NDE1: variants seen among roughly 807,000 people sequenced by gnomAD.
NDE1 encodes nudE neurodevelopment protein 1, also known as nuclear distribution protein nudE homolog 1.
Under a neutral mutation model 43.4 loss-of-function variants are expected in NDE1, and 28 were observed. That is an observed-to-expected ratio of 0.65 (90% confidence interval 0.48 to 0.89). The LOEUF is 0.89. Among genes scored for constraint, NDE1 ranks in the 40% least tolerant of loss-of-function variants. The pLI is 0.00. For missense variants in NDE1, 441 were observed against 434.1 expected (o/e 1.02, Z -0.14); for synonymous variants, 184 against 172.0 (o/e 1.07, Z -0.55).
intron 3 of NDE1, among the ~76,000 whole-genome samples, chr16:15,676,894 A>G (rs1248675652): frequency 6.6e-6 from 1 of 152,156 alleles, no homozygotes; most frequent in Non-Finnish European, 1.5e-5. Flanking sequence ...TCTTTGTAAT[A>G]CACTGATGAT....
intron 3 of NDE1, among the ~76,000 whole-genome samples, chr16:15,674,255 T>A (rs2037750405): frequency 6.6e-6 from 1 of 152,164 alleles, no homozygotes; most frequent in South Asian, 2.1e-4. Flanking sequence ...TTTTTGTTTG[T>A]TTGTTTTGAG....
At chr16:15,704,774 T>C (rs2039359786) in intron 8 of NDE1, among the ~76,000 whole-genome samples, 1 of 152,238 alleles carries the variant, frequency 6.6e-6, no homozygotes, top group Admixed American at 6.5e-5. Flanking sequence ...TCGTGGAACA[T>C]ACCGCACATG....
chr16:15,699,607 T>C, intron 8 of NDE1: 8 of 1,216,000 alleles, frequency 6.6e-6, no homozygotes, highest in Non-Finnish European at 8.4e-6. Context: ...GAGAGAAAAT[T>C]GAGACCCTGT....
At chr16:15,682,247 AG>A (rs1439803040) in intron 4 of NDE1, among the ~76,000 whole-genome samples, 2 of 152,186 alleles carry the variant, frequency 1.3e-5, no homozygotes, top group African/African-American at 4.8e-5. Flanking sequence ...GCTGGAGTGC[AG>A]TGGCACGATC....
intron 8 of NDE1, chr16:15,703,731 G>T (rs565951023): frequency 2.0e-6 from 1 of 495,034 alleles, no homozygotes; most frequent in Admixed American, 3.2e-5. Context: ...TGGGACCACA[G>T]GTGTGTACCA....
exon 1 of NDE1, chr16:15,643,591 G>T (rs920716102): frequency 2.6e-5 from 8 of 302,798 alleles, no homozygotes; most frequent in Non-Finnish European, 1.9e-5. Flanking sequence ...TCCTCTCTCG[G>T]GTCTCGTCAC....
chr16:15,695,554 T>G, intron 7 of NDE1: 1 of 985,164 alleles, frequency 1.0e-6, no homozygotes, highest in Non-Finnish European at 1.2e-6. Context: ...CCTTTCAGCT[T>G]TTATGTTAAT....
chr16:15,678,556 GCTCTTGCCATGTTGGCCAGGCTGGT>G (rs1187771945), intron 4 of NDE1, among the ~76,000 whole-genome samples: 1 of 152,030 alleles, frequency 6.6e-6, no homozygotes, highest in African/African-American at 2.4e-5. Flanking sequence ...GTAGGGATGG[GCTCTTGCCATGTTGGCCAGGCTGGT>G]CTCAAACTCC....
At chr16:15,719,144 T>A in intron 8 of NDE1, 1 of 1,444,558 alleles carries the variant, frequency 6.9e-7, no homozygotes, top group East Asian at 2.3e-5. Context: ...ATTTAAAAAA[T>A]AAAATGGGGG....
At position 15,667,333 on chromosome 16, in the gene NDE1, G is replaced by C; in HGVS notation, c.131G>C (p.Arg44Pro). Residue 44 changes from arginine (R) to proline (P), a missense_variant, in exon 3 of 9, where the codon CGA (arginine) becomes CCA (proline). Physicochemically the swap from Arg to Pro is moderately radical, Grantham distance 103. Coordinates refer to ENST00000396354, the MANE Select transcript of NDE1 (RefSeq NM_017668.3). ...EELREFQEGS[R>P]EYEAELETQL... ...CTCCGAGAATTCCAGGAGGGAAGCC[G>C]AGAATATGAAGCTGAATTGGAGACG... 1 of 1,614,132 alleles carries C rather than the reference G, an allele frequency of 6.2e-7. No homozygotes were observed. Among genetic ancestry groups the C allele is most frequent in the Non-Finnish European group, 8.5e-7 (1 of 1,180,026 alleles).
At chr16:15,701,046 G>GC (rs1211903646) in intron 8 of NDE1, among the ~76,000 whole-genome samples, 1 of 151,978 alleles carries the variant, frequency 6.6e-6, no homozygotes, top group Admixed American at 6.6e-5. Flanking sequence ...GACCAGCCTG[G>GC]CCAACATGGT....
intron 1 of NDE1, among the ~76,000 whole-genome samples, chr16:15,663,637 G>C (rs893083587): frequency 6.6e-6 from 1 of 152,042 alleles, no homozygotes; most frequent in African/African-American, 2.4e-5. Flanking sequence ...AATATCCTGG[G>C]CACTGATAGA....
At chr16:15,664,676 T>C (rs1237500934) in intron 1 of NDE1, 60 bp from the exon 2 acceptor site, 3 of 952,874 alleles carry the variant, frequency 3.1e-6, no homozygotes, top group Non-Finnish European at 5.0e-6. Context: ...TTTTTTTCTG[T>C]TAAAGGGGAT....
At chr16:15,718,069 T>G (rs2040261657) in intron 8 of NDE1, 1 of 597,380 alleles carries the variant, frequency 1.7e-6, no homozygotes, top group Non-Finnish European at 2.9e-6. Context: ...GGCCGTGAGG[T>G]ACGGGGAGCC....
At chr16:15,695,526 C>T in intron 7 of NDE1, 1 of 984,042 alleles carries the variant, frequency 1.0e-6, no homozygotes, top group African/African-American at 1.8e-5. Context: ...TCTTGAAAGC[C>T]TAGGGCAAAG....
intron 3 of NDE1, among the ~76,000 whole-genome samples, chr16:15,674,963 C>T (rs777556422): frequency 7.2e-5 from 11 of 152,100 alleles, no homozygotes; most frequent in Admixed American, 6.6e-4. Context: ...AGCAGGCTTG[C>T]GTTGCCCCTG....
rs2040489167 is a variant in NDE1, at chr16:15,721,619, T to C, written c.948-2572T>C. 4 of 1,614,190 alleles carry C rather than the reference T, an allele frequency of 2.5e-6. No homozygotes were observed. The highest frequency in any genetic ancestry group is 3.4e-6 in the Non-Finnish European group (4 of 1,180,048). On this transcript the variant is annotated intron_variant, in intron 8 of 8. Transcript: ENST00000396354. ...TCCGCGTATTTGGAAGAGATGTTTTTCTCCTCGGCTAACAACTACAACACA... is the reference window on the plus strand; with the variant it reads ...TCCGCGTATTTGGAAGAGATGTTTTCCTCCTCGGCTAACAACTACAACACA...
intron 8 of NDE1, chr16:15,720,687 T>C (rs2040418660): frequency 1.2e-6 from 1 of 863,926 alleles, no homozygotes; most frequent in Non-Finnish European, 1.8e-6. Context: ...GAGCTGAGAT[T>C]ACGCCACTGC....
intron 8 of NDE1, chr16:15,697,109 C>T (rs1286102523): frequency 3.1e-6 from 3 of 966,776 alleles, no homozygotes; most frequent in Non-Finnish European, 3.7e-6. Context: ...AATACGATGG[C>T]AGGATCATGG....
Sources: allele counts gnomAD v4.1 joint callset (sites outside exome capture counted in the v4.1 genomes callset), GRCh38; gene constraint gnomAD v4.1.1; transcripts MANE v1.5; gene names NCBI Gene and HGNC (gene_info 2026-07-23, HGNC 2026-07-21).